The following SCP2 variants were observed in gnomAD, a reference collection of about 807,000 sequenced individuals.
SCP2 encodes SCP-2/3-oxoacyl-CoA thiolase.
SCP2 carries 48 observed loss-of-function variants against 71.4 expected under a neutral mutation model. The observed-to-expected ratio is 0.67, with a 90% CI of 0.53 to 0.86. The LOEUF is 0.86. Ranked by LOEUF, SCP2 falls within the 40% of genes least tolerant of loss-of-function variation. The probability of loss-of-function intolerance (pLI) is 0.00; values close to 1 mark genes in which losing one functional copy is unlikely to be tolerated. For synonymous variants in SCP2, 220 were observed against 218.1 expected (o/e 1.01, Z -0.08); for missense variants, 560 against 655.6 (o/e 0.85, Z 1.59).
At chr1:52,994,419 C>T (rs10493170) in intron 11 of SCP2, 15,542 of 364,162 alleles carry the variant, frequency 0.043, 449 homozygotes, top group East Asian at 0.2. Context: ...TTATAATTTG[C>T]TTGATTGCCA....
intron 11 of SCP2, chr1:52,995,615 A>G: frequency 1.8e-6 from 1 of 564,836 alleles, no homozygotes; most frequent in South Asian, 1.7e-5. Context: ...ACATAATGAG[A>G]CCCCTGCCAC....
At chr1:52,941,322 A>T (rs1654214792) in intron 1 of SCP2, among the ~76,000 whole-genome samples, 1 of 152,194 alleles carries the variant, frequency 6.6e-6, no homozygotes, top group Non-Finnish European at 1.5e-5. Context: ...TGTCTGTCTT[A>T]GGTTAGACTG....
chr1:53,041,174 C>T (rs898925421), intron 14 of SCP2, among the ~76,000 whole-genome samples: 5 of 151,938 alleles, frequency 3.3e-5, no homozygotes, highest in Admixed American at 6.6e-5. Context: ...GAGGCCGAGG[C>T]GGGCGGATTA....
rs1352880908 is a variant in SCP2, at chr1:52,946,138, AG to A, written c.128-1869del. ...GAGACAGGGTTTTGCCATATTGCCC[AG>A]GTTGGTCTTGAGGTCCTGGGCTCAA... On this transcript the variant is annotated intron_variant, in intron 2 of 15. Coordinates refer to ENST00000371514, the MANE Select transcript of SCP2 (RefSeq NM_002979.5). Among the ~76,000 whole-genome samples the A allele has an allele frequency of 9.9e-5, 15 of 152,010 alleles. No individual in the cohort carries two copies. In the South Asian group the frequency reaches 2.1e-3, roughly 21 times the overall value.
chr1:52,997,414 C>T (rs1258355802), intron 11 of SCP2, among the ~76,000 whole-genome samples: 4 of 152,134 alleles, frequency 2.6e-5, no homozygotes, highest in Admixed American at 2.6e-4. Context: ...AATGATCCAC[C>T]CTCCTCGGCC....
In SCP2 at chr1:53,014,979, A is replaced by G. The variant is rs939136447; in HGVS notation, c.1171A>G (p.Asn391Asp). 1 of 1,614,148 alleles carries G rather than the reference A, an allele frequency of 6.2e-7. No homozygotes were observed. The highest frequency in any genetic ancestry group is 1.7e-5 in the Admixed American group (1 of 60,014). Residue 391 changes from asparagine to aspartate, a missense_variant, in exon 12 of 16, where the codon AAT (asparagine) becomes GAT (aspartate). By Grantham distance (23) the Asn-to-Asp change is conservative. This residue lies in a region of SCP2 where 513 missense variants were observed against 573.1 expected (regional missense o/e 0.90). Transcript: ENST00000371514. Reference sequence around the variant, plus strand: ...TGGTGCAAAGGTGGCTCTGCAGCATAATTTAGGCATTGGAGGAGCTGTGGT... The same window carrying G: ...TGGTGCAAAGGTGGCTCTGCAGCATGATTTAGGCATTGGAGGAGCTGTGGT... Reference protein sequence around the residue: ...VPGAKVALQHNLGIGGAVVVT... With the variant: ...VPGAKVALQHDLGIGGAVVVT...
At chr1:53,001,709 G>A (rs532180816) in intron 11 of SCP2, among the ~76,000 whole-genome samples, 3 of 152,178 alleles carry the variant, frequency 2.0e-5, no homozygotes, top group African/African-American at 4.8e-5. Flanking sequence ...CACTGGAAAC[G>A]CCCATCTTCA....
intron 11 of SCP2, among the ~76,000 whole-genome samples, chr1:53,000,594 G>T (rs1210301745): frequency 6.6e-6 from 1 of 152,088 alleles, no homozygotes; most frequent in Non-Finnish European, 1.5e-5. Context: ...CTCATCATTA[G>T]GTACTGTAGG....
chr1:52,982,265 T>TG (rs751032126), intron 10 of SCP2, among the ~76,000 whole-genome samples: 27 of 152,218 alleles, frequency 1.8e-4, no homozygotes, highest in Admixed American at 1.0e-3. Flanking sequence ...AAATGTCTTC[T>TG]GGGGGGTAAA....
chr1:52,929,064 G>T (rs980004557), intron 1 of SCP2, among the ~76,000 whole-genome samples: 2 of 152,104 alleles, frequency 1.3e-5, no homozygotes, highest in Non-Finnish European at 2.9e-5. Flanking sequence ...GAGGAAAGTG[G>T]TGAGGAGTTT....
At chr1:52,974,617 T>A in intron 6 of SCP2, 152 bp from the exon 7 acceptor site, 1 of 651,006 alleles carries the variant, frequency 1.5e-6, no homozygotes, top group Non-Finnish European at 2.8e-6. Flanking sequence ...AAAAATTTTT[T>A]GAGGGAACAG....
chr1:53,040,993 G>A (rs752666405), intron 14 of SCP2, among the ~76,000 whole-genome samples: 7 of 152,138 alleles, frequency 4.6e-5, no homozygotes, highest in Non-Finnish European at 8.8e-5. Context: ...GAATGGCATC[G>A]AGTAAGCATT....
chr1:52,991,070 T>G (rs1312527387), intron 11 of SCP2, among the ~76,000 whole-genome samples: 3 of 152,212 alleles, frequency 2.0e-5, no homozygotes, highest in African/African-American at 7.2e-5. Context: ...ATGTAAGGGA[T>G]GTACCTGAAT....
At chr1:53,007,798 A>G (rs1432884349) in intron 11 of SCP2, among the ~76,000 whole-genome samples, 1 of 152,194 alleles carries the variant, frequency 6.6e-6, no homozygotes, top group Non-Finnish European at 1.5e-5. Flanking sequence ...TGAAGGGGAT[A>G]GAGACACAAA....
Position 52,960,723 on chromosome 1 carries a change from T to C in SCP2, c.397-780T>C, listed in dbSNP as rs868298512. 3.3e-5 allele frequency among the ~76,000 whole-genome samples: 5 copies of C among 150,592 alleles called. No individual in the cohort carries two copies. The South Asian group carries it at 1.0e-3, about 32-fold the overall frequency. ...TGTGTGTATATATTATGTGCGTGTGTGTGTGTGTGTGTGTGTGTGTATATT... is the reference window on the plus strand; with the variant it reads ...TGTGTGTATATATTATGTGCGTGTGCGTGTGTGTGTGTGTGTGTGTATATT... On this transcript the variant is annotated intron_variant, in intron 5 of 15. Transcript: ENST00000371514.
At chr1:52,960,717 CGTGTGTGTGT>C (rs145935532) in intron 5 of SCP2, among the ~76,000 whole-genome samples, 1 of 104,066 alleles carries the variant, frequency 9.6e-6, no homozygotes, top group Non-Finnish European at 2.2e-5. Context: ...ATATTATGTG[CGTGTGTGTGT>C]GTGTGTGTGT....
At chr1:52,938,335 G>A (rs1653920178) in intron 1 of SCP2, among the ~76,000 whole-genome samples, 1 of 152,096 alleles carries the variant, frequency 6.6e-6, no homozygotes, top group Non-Finnish European at 1.5e-5. Context: ...TTTTATTTTG[G>A]TTTGCAGTCA....
chr1:53,041,886 G>C (rs903878103), intron 14 of SCP2, among the ~76,000 whole-genome samples: 1 of 152,140 alleles, frequency 6.6e-6, no homozygotes, highest in Admixed American at 6.5e-5. Flanking sequence ...TCTCTGCAAG[G>C]GTAGTTAAAT....
chr1:52,986,962 T>C (rs1458913180), intron 10 of SCP2, among the ~76,000 whole-genome samples: 2 of 148,878 alleles, frequency 1.3e-5, no homozygotes, highest in Non-Finnish European at 3.0e-5. Flanking sequence ...ATTGAAGTTT[T>C]GCTTTTTGTA....
Sources: gnomAD v4.1 joint callset for allele counts (sites outside exome capture counted in the v4.1 genomes callset) on GRCh38, gnomAD v4.1.1 for gene constraint, gnomAD v4.1.1 regional missense constraint, MANE v1.5 for transcripts, NCBI Gene and HGNC (gene_info 2026-07-23, HGNC 2026-07-21) for gene names.